The following IFIH1 variants were observed in gnomAD, a reference collection of about 807,000 sequenced individuals.
The protein encoded by IFIH1 is interferon induced with helicase C domain 1.
A neutral mutation model predicts 107.4 loss-of-function variants in IFIH1; 125 were observed. That is an observed-to-expected ratio of 1.16 (90% CI 1.01 to 1.35). The LOEUF (loss-of-function observed/expected upper bound fraction) is 1.35, where lower values mean the gene tolerates loss of function less well. Ranked by LOEUF, IFIH1 falls within the 40% of genes most tolerant of loss-of-function variation. The probability of loss-of-function intolerance (pLI) is 0.00; values close to 1 mark genes in which losing one functional copy is unlikely to be tolerated. For missense variants in IFIH1, 1,333 were observed against 1,213.7 expected, an observed-to-expected ratio of 1.10 and a Z score of -1.46; for synonymous variants, 458 against 413.2, an observed-to-expected ratio of 1.11 and a Z score of -1.31.
At chr2:162,315,089 A>C (rs1683464847) in intron 1 of IFIH1, among the ~76,000 whole-genome samples, 1 of 152,232 alleles carries the variant, frequency 6.6e-6, no homozygotes, top group Admixed American at 6.5e-5. Context: ...GAAAATGTCT[A>C]TGGGGAAACA....
intron 5 of IFIH1, among the ~76,000 whole-genome samples, chr2:162,283,834 G>A (rs937358746): frequency 6.6e-6 from 1 of 151,800 alleles, no homozygotes; most frequent in African/African-American, 2.4e-5. Flanking sequence ...CTGGAAGAAG[G>A]GGTGGGGAAG....
chr2:162,310,839 T>C lies in IFIH1; in HGVS notation c.548A>G (p.Asn183Ser). 6.2e-7 allele frequency: 1 copy of C among 1,613,590 alleles called. No homozygotes were observed. Among genetic ancestry groups the C allele is most frequent in the East Asian group, 2.2e-5 (1 of 44,834 alleles). ...ATTGTTTCCTGTTTGACGAAGAACA[T>C]TCAGAAATGCAGAGAACCAGTTTTC... Reference protein sequence around the residue: ...QKENWFSAFLNVLRQTGNNEL... With the variant: ...QKENWFSAFLSVLRQTGNNEL... Residue 183 changes from asparagine (N) to serine (S), a missense_variant, in exon 2 of 16, where the codon AAT becomes AGT. Asn to Ser is a conservative substitution (Grantham distance 46). Transcript: ENST00000649979.
intron 3 of IFIH1, among the ~76,000 whole-genome samples, chr2:162,296,319 G>C (rs1399929275): frequency 6.6e-6 from 1 of 152,026 alleles, no homozygotes; most frequent in Non-Finnish European, 1.5e-5. Context: ...GGATTATTTT[G>C]ATCTAACAAA....
chr2:162,286,731 C>A (rs1348986096), intron 5 of IFIH1, among the ~76,000 whole-genome samples: 1 of 151,786 alleles, frequency 6.6e-6, no homozygotes, highest in Non-Finnish European at 1.5e-5. Flanking sequence ...TAACTTGGTT[C>A]TTTTCTTTGG....
chr2:162,271,270 T>C (rs1691030412), intron 13 of IFIH1, among the ~76,000 whole-genome samples: 1 of 152,100 alleles, frequency 6.6e-6, no homozygotes. Context: ...ATCTAGTCTA[T>C]GCAGCCATAA....
chr2:162,270,474 C>T (rs1412093913), intron 13 of IFIH1, among the ~76,000 whole-genome samples: 11 of 152,164 alleles, frequency 7.2e-5, no homozygotes, highest in Non-Finnish European at 2.9e-5. Context: ...AGGCTTTGAA[C>T]AGATTACTGG....
intron 1 of IFIH1, among the ~76,000 whole-genome samples, chr2:162,311,587 T>C (rs557000487): frequency 6.6e-6 from 1 of 152,254 alleles, no homozygotes; most frequent in South Asian, 2.1e-4. Context: ...TATCCATTCA[T>C]TAGAGTCTTT....
intron 1 of IFIH1, among the ~76,000 whole-genome samples, chr2:162,317,016 GGT>G (rs56835671): frequency 0.058 from 8,307 of 143,436 alleles, 441 homozygotes; most frequent in East Asian, 0.15. Context: ...AAAGAAAAAG[GGT>G]GTGTGTGTGT....
chr2:162,273,887 C>A lies in IFIH1; in HGVS notation c.2362G>T (p.Ala788Ser). 1.2e-6 allele frequency: 2 copies of A among 1,609,678 alleles called. No individual in the cohort carries two copies. The highest frequency in any genetic ancestry group is 1.7e-6 in the Non-Finnish European group (2 of 1,176,694). The change falls in exon 12 of 16, where the codon GCT (alanine) becomes TCT (serine). Residue 788 changes from alanine to serine, a missense_variant. Transcript: ENST00000649979. The part of the protein sequence containing the change: ...FRTGKINLLI[A>S]TTVAEEGLDI... Reference sequence around the variant, plus strand: ...AGACCTTCTTCTGCCACTGTGGTAGCGATAAGCAGATTTATTTTTCCAGTG... The same window carrying A: ...AGACCTTCTTCTGCCACTGTGGTAGAGATAAGCAGATTTATTTTTCCAGTG...
chr2:162,280,585 G>C (rs942610006), intron 7 of IFIH1, among the ~76,000 whole-genome samples: 3 of 151,986 alleles, frequency 2.0e-5, no homozygotes, highest in Non-Finnish European at 4.4e-5. Flanking sequence ...TACACATAAA[G>C]CTGGGAGCAT....
intron 3 of IFIH1, among the ~76,000 whole-genome samples, chr2:162,301,615 T>C (rs1171667190): frequency 6.6e-6 from 1 of 152,224 alleles, no homozygotes; most frequent in Non-Finnish European, 1.5e-5. Context: ...TATTCACTTG[T>C]TTTGACAAAG....
intron 7 of IFIH1, among the ~76,000 whole-genome samples, chr2:162,280,453 A>G (rs7603197): frequency 0.02 from 3,062 of 152,140 alleles, 110 homozygotes; most frequent in African/African-American, 0.071. Context: ...AAAGAGTATA[A>G]CAATTTACCA....
chr2:162,315,955 T>C (rs1341129403), intron 1 of IFIH1, among the ~76,000 whole-genome samples: 1 of 152,166 alleles, frequency 6.6e-6, no homozygotes, highest in Non-Finnish European at 1.5e-5. Context: ...TCCTTTGAAA[T>C]GTGAATCAGA....
chr2:162,285,134 C>T (rs1682875773), intron 5 of IFIH1, among the ~76,000 whole-genome samples: 1 of 152,012 alleles, frequency 6.6e-6, no homozygotes, highest in Middle Eastern at 3.4e-3. Flanking sequence ...GACAGAGTGC[C>T]TGCCAAGACT....
Position 162,293,633 on chromosome 2 carries a change from A to G in IFIH1, c.805T>C (p.Cys269Arg). The change falls in exon 4 of 16, where the codon TGC (cysteine) becomes CGC (arginine). Residue 269 changes from cysteine (C) to arginine (R), a missense_variant. Physicochemically the swap from Cys to Arg is radical, Grantham distance 180 (BLOSUM62 -3). Transcript: ENST00000649979. ...DTSLAEGSVS[C>R]LDESLGHNSN... ...TTATGTCCAAGACTTTCATCTAAGC[A>G]GCTGACACTTCCTTCTGCCAAACTT... 5.0e-6 allele frequency: 8 copies of G among 1,611,762 alleles called. No individual in the cohort carries two copies. The highest frequency in any genetic ancestry group is 6.8e-6 in the Non-Finnish European group (8 of 1,178,390).
At chr2:162,284,319 G>A (rs1298309291) in intron 5 of IFIH1, among the ~76,000 whole-genome samples, 1 of 151,900 alleles carries the variant, frequency 6.6e-6, no homozygotes, top group Non-Finnish European at 1.5e-5. Flanking sequence ...AGGGAAGAAA[G>A]CCCTGAAAAC....
chr2:162,282,594 A>C lies in IFIH1; in HGVS notation c.1096-18T>G. ...AGCAGTACCTTAAAAAAATGTGAAGATTTTTTAAAAGAGAGAAAGTTAGTC... is the reference window on the plus strand; with the variant it reads ...AGCAGTACCTTAAAAAAATGTGAAGCTTTTTTAAAAGAGAGAAAGTTAGTC... On this transcript the variant is annotated intron_variant, in intron 5 of 15. Coordinates refer to ENST00000649979, the MANE Select transcript of IFIH1 (RefSeq NM_022168.4). 1 of 1,550,438 alleles carries C rather than the reference A, an allele frequency of 6.4e-7. No homozygotes were observed. Among genetic ancestry groups the C allele is most frequent in the Non-Finnish European group, 8.8e-7 (1 of 1,134,638 alleles).
In IFIH1 at chr2:162,293,635, C is replaced by A; in HGVS notation, c.803G>T (p.Ser268Ile). Residue 268 changes from serine to isoleucine, a missense_variant, in exon 4 of 16, where the codon AGC becomes ATC. By Grantham distance (142) the Ser-to-Ile change is moderately radical. Coordinates refer to ENST00000649979, the MANE Select transcript of IFIH1 (RefSeq NM_022168.4). The stretch of plus-strand genomic sequence containing the variant: ...ATGTCCAAGACTTTCATCTAAGCAG[C>A]TGACACTTCCTTCTGCCAAACTTGT... Reference protein sequence around the residue: ...SDTSLAEGSVSCLDESLGHNS... With the variant: ...SDTSLAEGSVICLDESLGHNS... 6.2e-7 allele frequency: 1 copy of A among 1,611,400 alleles called. No homozygotes were observed. Among genetic ancestry groups the A allele is most frequent in the South Asian group, 1.1e-5 (1 of 90,960 alleles).
chr2:162,306,881 A>C, intron 2 of IFIH1, 26 bp from the exon 3 acceptor site: 2 of 1,609,310 alleles, frequency 1.2e-6, no homozygotes, highest in African/African-American at 2.7e-5. Context: ...TTAGAATGCA[A>C]ATCATAGTGC....
Sources: allele counts gnomAD v4.1 joint callset (sites outside exome capture counted in the v4.1 genomes callset), GRCh38; gene constraint gnomAD v4.1.1; transcripts MANE v1.5; gene names NCBI Gene and HGNC (gene_info 2026-07-23, HGNC 2026-07-21).